The following RNF220 variants were observed in gnomAD, a reference collection of about 807,000 sequenced individuals.
RNF220 encodes the protein ring finger protein 220, also known as E3 ubiquitin-protein ligase RNF220.
A neutral mutation model predicts 67.1 loss-of-function variants in RNF220; 7 were observed. The ratio of observed to expected loss-of-function variants is 0.10; its 90% CI spans 0.06 to 0.20. The LOEUF (loss-of-function observed/expected upper bound fraction) is 0.20. Ranked by LOEUF, RNF220 falls within the 10% of genes least tolerant of loss-of-function variation. The pLI is 1.00. For synonymous variants in RNF220, 270 were observed against 283.2 expected (o/e 0.95, Z 0.47); for missense variants, 565 against 740.3 (o/e 0.76, Z 2.75).
intron 3 of RNF220, among the ~76,000 whole-genome samples, chr1:44,615,058 T>C (rs1643486109): frequency 6.6e-6 from 1 of 152,124 alleles, no homozygotes; most frequent in African/African-American, 2.4e-5. Context: ...GCTGCTTCCC[T>C]CACATGTCTG....
At chr1:44,578,188 TCCCAGC>T (rs1402309646) in intron 2 of RNF220, among the ~76,000 whole-genome samples, 1 of 142,688 alleles carries the variant, frequency 7.0e-6, no homozygotes, top group East Asian at 2.2e-4. Context: ...GTGCTCTGTC[TCCCAGC>T]CTGGAGTGCA....
rs533756447 is a variant in RNF220, at chr1:44,459,716, C to G, written c.625+46994C>G. Among the ~76,000 whole-genome samples the G allele has an allele frequency of 1.1e-4, 17 of 152,172 alleles. No individual in the cohort carries two copies. In the East Asian group the frequency reaches 3.3e-3, roughly 29 times the overall value. ...ACCACTGTGTAAGGGGTAGGTGGAG[C>G]GGAACTGCCGATGAAAGAGGGAATA... On this transcript the variant is annotated intron_variant, in intron 2 of 14. Transcript: ENST00000361799.
At chr1:44,633,871 G>C (rs1298182581) in intron 6 of RNF220, among the ~76,000 whole-genome samples, 1 of 152,210 alleles carries the variant, frequency 6.6e-6, no homozygotes, top group East Asian at 1.9e-4. Context: ...TGGCTCTAGA[G>C]TGTCAAGGCT....
intron 2 of RNF220, among the ~76,000 whole-genome samples, chr1:44,443,774 C>T (rs1176503688): frequency 6.6e-6 from 1 of 151,998 alleles, no homozygotes; most frequent in Admixed American, 6.6e-5. Flanking sequence ...GATGAACACT[C>T]ATGAAACCAC....
At chr1:44,510,515 C>T (rs555056715) in intron 2 of RNF220, among the ~76,000 whole-genome samples, 3 of 152,308 alleles carry the variant, frequency 2.0e-5, no homozygotes, top group South Asian at 2.1e-4. Context: ...TTGTCTAATA[C>T]GCAGGCTTTG....
At chr1:44,506,732 T>C (rs1658465867) in intron 2 of RNF220, among the ~76,000 whole-genome samples, 1 of 152,228 alleles carries the variant, frequency 6.6e-6, no homozygotes, top group Non-Finnish European at 1.5e-5. Context: ...CCAGAAGTCC[T>C]GTGGTCTTGT....
In RNF220 at chr1:44,606,112, C is replaced by T. The variant is rs1667255682; in HGVS notation, c.626-8053C>T. On this transcript the variant is annotated intron_variant, in intron 2 of 14. Transcript: ENST00000361799. The surrounding 1 kb of genome is among the most constrained non-coding windows in gnomAD (Gnocchi z 4.2). The stretch of plus-strand genomic sequence containing the variant: ...ATTCATCATACATTCAAATCCGCTG[C>T]CCCGCCCCAGCGGGAGGCCCCAGCC... Among the ~76,000 whole-genome samples, 1 of 152,248 alleles carries T rather than the reference C, an allele frequency of 6.6e-6. No homozygotes were observed. Among genetic ancestry groups the T allele is most frequent in the African/African-American group, 2.4e-5 (1 of 41,472 alleles).
intron 2 of RNF220, among the ~76,000 whole-genome samples, chr1:44,510,214 G>A (rs12747060): frequency 0.11 from 17,007 of 150,064 alleles, 1,048 homozygotes; most frequent in Middle Eastern, 0.15. Flanking sequence ...ACTCCAGCCT[G>A]GGTGACAGAG....
Position 44,417,913 on chromosome 1 carries a change from T to A in RNF220, c.625+5191T>A, listed in dbSNP as rs1006640751. ...GATCTCGCCGTCGCTCTGCAGCACT[T>A]GGAGGCCGCAGGAGGACTCCGCGCG... On this transcript the variant is annotated intron_variant, in intron 2 of 14. Coordinates refer to ENST00000361799, the MANE Select transcript of RNF220 (RefSeq NM_018150.4). The surrounding 1 kb of genome is among the most constrained non-coding windows in gnomAD (Gnocchi z 4.0). 6.6e-6 allele frequency among the ~76,000 whole-genome samples: 1 copy of A among 151,616 alleles called. No homozygotes were observed. Among genetic ancestry groups the A allele is most frequent in the African/African-American group, 2.4e-5 (1 of 41,240 alleles).
At chr1:44,413,197 C>G (rs1648158903) in intron 2 of RNF220, among the ~76,000 whole-genome samples, 1 of 152,216 alleles carries the variant, frequency 6.6e-6, no homozygotes. Context: ...ATTTTCACAA[C>G]TCTCAGCCCT....
At chr1:44,539,352 T>G (rs940951646) in intron 2 of RNF220, among the ~76,000 whole-genome samples, 3 of 152,232 alleles carry the variant, frequency 2.0e-5, no homozygotes, top group Non-Finnish European at 4.4e-5. Context: ...CTTCTTTCAC[T>G]TGCCCCCAAA....
intron 2 of RNF220, among the ~76,000 whole-genome samples, chr1:44,529,757 C>T (rs1660689389): frequency 6.6e-5 from 10 of 152,008 alleles, no homozygotes. Context: ...CCACTTTACA[C>T]AATAAAATAA....
chr1:44,406,183 G>C (rs1370791737), intron 1 of RNF220, among the ~76,000 whole-genome samples: 2 of 152,214 alleles, frequency 1.3e-5, no homozygotes, highest in Non-Finnish European at 2.9e-5. Context: ...CTGGACCCCG[G>C]GTGCTCGGCT....
At chr1:44,594,405 C>CGGGCA (rs1311472368) in intron 2 of RNF220, among the ~76,000 whole-genome samples, 5 of 152,162 alleles carry the variant, frequency 3.3e-5, no homozygotes, top group African/African-American at 9.7e-5. Context: ...TGGAGCCCAT[C>CGGGCA]GGGCAGAGCA....
intron 2 of RNF220, among the ~76,000 whole-genome samples, chr1:44,490,577 A>C (rs1656767567): frequency 6.6e-6 from 1 of 152,116 alleles, no homozygotes; most frequent in South Asian, 2.1e-4. Flanking sequence ...AAAACTTATG[A>C]CATACAGCTA....
chr1:44,520,105 G>A (rs964379627), intron 2 of RNF220, among the ~76,000 whole-genome samples: 4 of 135,214 alleles, frequency 3.0e-5, no homozygotes, highest in African/African-American at 1.1e-4. Flanking sequence ...GTGTGTGTGT[G>A]TGTGTGTGTG....
intron 2 of RNF220, among the ~76,000 whole-genome samples, chr1:44,494,568 G>T (rs1465037087): frequency 6.6e-6 from 1 of 151,232 alleles, no homozygotes; most frequent in African/African-American, 2.4e-5. Context: ...TTACTAATAT[G>T]CAGTGACCTC....
At chr1:44,580,581 G>A (rs369977622) in intron 2 of RNF220, among the ~76,000 whole-genome samples, 98 of 152,330 alleles carry the variant, frequency 6.4e-4, no homozygotes, top group South Asian at 3.7e-3. Flanking sequence ...CTAAACAGCC[G>A]AAGCTCCCCA....
intron 2 of RNF220, among the ~76,000 whole-genome samples, chr1:44,461,950 CAG>C (rs1273088167): frequency 8.6e-6 from 1 of 116,372 alleles, no homozygotes; most frequent in Admixed American, 8.3e-5. Flanking sequence ...TTTTTTGAGC[CAG>C]AGTCTTGCTC....
Sources: allele counts gnomAD v4.1 joint callset (sites outside exome capture counted in the v4.1 genomes callset), GRCh38; gene constraint gnomAD v4.1.1; non-coding constraint Gnocchi (gnomAD v3.1); transcripts MANE v1.5; gene names NCBI Gene and HGNC (gene_info 2026-07-23, HGNC 2026-07-21).